Variants in ADAR observed in about 807,000 individuals in gnomAD.
ADAR encodes the protein adenosine deaminase RNA specific, also known as double-stranded RNA-specific adenosine deaminase.
Under a neutral mutation model 113.2 loss-of-function variants are expected in ADAR, and 41 were observed. The ratio of observed to expected loss-of-function variants is 0.36; its 90% confidence interval spans 0.28 to 0.47. ADAR has a LOEUF of 0.47. Among genes scored for constraint, ADAR ranks in the 20% least tolerant of loss-of-function variants. The pLI, the probability that ADAR is intolerant of heterozygous loss-of-function variation, is 1.00. For missense variants in ADAR, 1,242 were observed against 1,540.9 expected (o/e 0.81, Z 3.25); for synonymous variants, 605 against 572.6 (o/e 1.06, Z -0.81).
intron 1 of ADAR, among the ~76,000 whole-genome samples, chr1:154,620,563 T>C (rs1041231029): frequency 6.6e-6 from 1 of 152,178 alleles, no homozygotes; most frequent in East Asian, 1.9e-4. Flanking sequence ...AATAAATAAC[T>C]TGATGCATAT....
intron 3 of ADAR, among the ~76,000 whole-genome samples, 167 bp downstream of exon 3, chr1:154,598,235 G>T (rs891707190): frequency 5.3e-5 from 8 of 152,136 alleles, no homozygotes; most frequent in Non-Finnish European, 1.2e-4. Flanking sequence ...AGAGGAGCTG[G>T]GTATGAGAGG....
chr1:154,599,936 C>G (rs1454613065), intron 2 of ADAR, among the ~76,000 whole-genome samples: 1 of 152,174 alleles, frequency 6.6e-6, no homozygotes, highest in Admixed American at 6.5e-5. Flanking sequence ...CCATCCTTTC[C>G]CCCCAGGAGC....
In ADAR at chr1:154,596,794, A is replaced by G. The variant is rs753787606; in HGVS notation, c.2270+11T>C. ...GGTGACACATGCATTAGCCAGGACT[A>G]GGACACTCACTTGGGCTCGTGAGGA... On this transcript the variant is annotated intron_variant, in intron 6 of 14. Coordinates refer to ENST00000368474, the MANE Select transcript of ADAR (RefSeq NM_001111.5). 3 of 1,612,602 alleles carry G rather than the reference A, an allele frequency of 1.9e-6. No homozygotes were observed.
upstream of ADAR, among the ~76,000 whole-genome samples, chr1:154,612,318 GTTTTTTTT>G (rs55714254): frequency 1.7e-4 from 12 of 69,202 alleles, no homozygotes; most frequent in African/African-American, 4.9e-4. Flanking sequence ...AAATTACTCA[GTTTTTTTT>G]TTTTTTTTTT....
intron 1 of ADAR, among the ~76,000 whole-genome samples, chr1:154,620,945 TG>T (rs1432461401): frequency 6.6e-6 from 1 of 152,222 alleles, no homozygotes; most frequent in African/African-American, 2.4e-5. Flanking sequence ...CTTGGCTACA[TG>T]CTGAAAAGCT....
upstream of ADAR, among the ~76,000 whole-genome samples, chr1:154,610,323 AAAAT>A (rs1698443041): frequency 6.6e-6 from 1 of 152,216 alleles, no homozygotes; most frequent in Non-Finnish European, 1.5e-5. Context: ...CATCAAAAGT[AAAAT>A]GGATAAATGG....
chr1:154,626,735 G>T (rs532251158), intron 1 of ADAR, among the ~76,000 whole-genome samples: 13 of 152,250 alleles, frequency 8.5e-5, no homozygotes, highest in African/African-American at 3.1e-4. Context: ...AGTAGGAGTG[G>T]AGAGGTTAAA....
intron 6 of ADAR, among the ~76,000 whole-genome samples, chr1:154,590,744 A>G (rs562849053): frequency 6.6e-6 from 1 of 151,984 alleles, no homozygotes; most frequent in South Asian, 2.1e-4. Flanking sequence ...AGCCTGGGCA[A>G]CATAGTAATC....
chr1:154,615,498 C>T (rs181716330), intron 1 of ADAR, among the ~76,000 whole-genome samples: 134 of 152,320 alleles, frequency 8.8e-4, no homozygotes, highest in African/African-American at 3.1e-3. Flanking sequence ...CAATCTCAAA[C>T]TCCTGGGCTC....
At chr1:154,598,118 G>T in intron 3 of ADAR, 142 bp from the exon 4 acceptor site, 1 of 1,021,878 alleles carries the variant, frequency 9.8e-7, no homozygotes, top group Non-Finnish European at 1.5e-6. Flanking sequence ...GGCTGCTGGA[G>T]CTCTCATTCC....
At chr1:154,588,900 C>A (rs1328397719) in intron 9 of ADAR, among the ~76,000 whole-genome samples, 1 of 152,196 alleles carries the variant, frequency 6.6e-6, no homozygotes, top group Non-Finnish European at 1.5e-5. Context: ...ATGGCGGCTA[C>A]AGGGATTCTA....
intron 1 of ADAR, among the ~76,000 whole-genome samples, chr1:154,614,410 AG>A (rs1479693604): frequency 6.6e-6 from 1 of 152,196 alleles, no homozygotes; most frequent in Non-Finnish European, 1.5e-5. Context: ...CTTCTTCCCT[AG>A]GATCCAGATC....
rs766724113 is a variant in ADAR at position 154,601,729 on chromosome 1, C to T, written c.913G>A (p.Asp305Asn). Residue 305 changes from aspartate to asparagine, a missense_variant, in exon 2 of 15, where the codon GAC (aspartate) becomes AAC (asparagine). Around this residue, in one of 2 missense-constraint regions of ADAR, gnomAD observed 462 missense variants for 483.1 expected, o/e 0.96. Coordinates refer to ENST00000368474, the MANE Select transcript of ADAR (RefSeq NM_001111.5). This position sits in a 1 kb window ranked among gnomAD's most constrained non-coding sequence, Gnocchi z 4.7. ...DMAEIKEKIC[D>N]YLFNVSDSSA... is the part of the protein sequence containing the mutation. The stretch of plus-strand genomic sequence containing the variant: ...GAGTCAGACACATTGAAGAGATAGT[C>T]GCAGATTTTCTCCTTGATCTCGGCC... 1 of 1,614,184 alleles carries T rather than the reference C, an allele frequency of 6.2e-7. No individual in the cohort carries two copies. Among genetic ancestry groups the T allele is most frequent in the Non-Finnish European group, 8.5e-7 (1 of 1,180,042 alleles).
At chr1:154,593,283 T>C (rs1178824747) in intron 6 of ADAR, among the ~76,000 whole-genome samples, 1 of 152,036 alleles carries the variant, frequency 6.6e-6, no homozygotes, top group Non-Finnish European at 1.5e-5. Flanking sequence ...TTAATAAACG[T>C]AGTTACTCAA....
intron 1 of ADAR, among the ~76,000 whole-genome samples, chr1:154,615,606 G>C (rs1312847048): frequency 6.6e-6 from 1 of 151,696 alleles, no homozygotes; most frequent in Non-Finnish European, 1.5e-5. Flanking sequence ...TAGAAATAGG[G>C]CCGCACTATG....
chr1:154,604,218 G>T (rs1213470509), intron 1 of ADAR, among the ~76,000 whole-genome samples: 1 of 152,236 alleles, frequency 6.6e-6, no homozygotes, highest in Non-Finnish European at 1.5e-5. Context: ...CAGGTAGTTT[G>T]TACCTGTGGG....
chr1:154,623,101 A>G (rs888262544), intron 1 of ADAR, among the ~76,000 whole-genome samples: 2 of 152,226 alleles, frequency 1.3e-5, no homozygotes, highest in African/African-American at 4.8e-5. Flanking sequence ...CGTCTAGTGG[A>G]GACATGACCA....
chr1:154,593,522 GGATTTCACAGAA>G lies in ADAR; in HGVS notation c.2271-3125_2271-3114del, dbSNP rs1339636893. Among the ~76,000 whole-genome samples the G allele has an allele frequency of 3.9e-5, 6 of 152,284 alleles. No individual in the cohort carries two copies. The South Asian group carries it at 6.2e-4, about 16-fold the overall frequency. ...AATGGCTGACTTGAAGTCCTAGAAAGGATTTCACAGAAGATTTCACAGAAGAGAAAGAGGAAA... is the reference window on the plus strand; with the variant it reads ...AATGGCTGACTTGAAGTCCTAGAAAGGATTTCACAGAAGAGAAAGAGGAAA... On this transcript the variant is annotated intron_variant, in intron 6 of 14. Coordinates refer to ENST00000368474, the MANE Select transcript of ADAR (RefSeq NM_001111.5).
At chr1:154,626,678 C>G (rs1698946624) in intron 1 of ADAR, among the ~76,000 whole-genome samples, 1 of 152,160 alleles carries the variant, frequency 6.6e-6, no homozygotes, top group South Asian at 2.1e-4. Context: ...AATTCTGACA[C>G]CTCGGGCAAG....
Sources: gnomAD v4.1 joint callset for allele counts (sites outside exome capture counted in the v4.1 genomes callset) on GRCh38, gnomAD v4.1.1 for gene constraint, gnomAD v4.1.1 regional missense constraint, Gnocchi (gnomAD v3.1) non-coding constraint, MANE v1.5 for transcripts, NCBI Gene and HGNC (gene_info 2026-07-23, HGNC 2026-07-21) for gene names.